ZNF280B: variants seen among roughly 807,000 people sequenced by gnomAD.
ZNF280B encodes zinc finger protein 280B, also known as suppressor of hairy wing homolog 2.
A neutral mutation model predicts 38.0 loss-of-function variants in ZNF280B; 16 were observed. The ratio of observed to expected loss-of-function variants is 0.42; its 90% CI spans 0.28 to 0.64. The LOEUF (loss-of-function observed/expected upper bound fraction) is 0.64, where lower values mean the gene tolerates loss of function less well. ZNF280B is among the 30% of genes least tolerant of loss of function. The pLI is 0.21. For synonymous variants in ZNF280B, 253 were observed against 230.6 expected, an observed-to-expected ratio of 1.10 and a Z score of -0.88; for missense variants, 581 against 639.6, an observed-to-expected ratio of 0.91 and a Z score of 0.99.
rs750250297 is a variant in ZNF280B at position 22,489,194 on chromosome 22, A to G, written c.205T>C (p.Trp69Arg). 1.9e-6 allele frequency: 3 copies of G among 1,613,766 alleles called. No individual in the cohort carries two copies. The highest frequency in any genetic ancestry group is 1.7e-5 in the Admixed American group (1 of 59,966). Reference protein sequence around the residue: ...NILNRVTPGSWSRRKKYDHLR... With the variant: ...NILNRVTPGSRSRRKKYDHLR... ...TGATCATACTTTTTTCTCCTTGACC[A>G]TGAACCCGGGGTGACTCTGTTCAAA... Residue 69 changes from tryptophan to arginine, a missense_variant, in exon 4 of 4, where the codon TGG (tryptophan) becomes CGG (arginine). Trp to Arg is a moderately radical substitution (Grantham distance 101). Transcript: ENST00000626650.
intron 2 of ZNF280B, among the ~76,000 whole-genome samples, chr22:22,500,512 T>C (rs1176596177): frequency 6.6e-6 from 1 of 151,884 alleles, no homozygotes; most frequent in Non-Finnish European, 1.5e-5. Context: ...ACTTTTGTAT[T>C]TGTATAATTC....
chr22:22,501,757 C>T (rs555580360), intron 2 of ZNF280B, among the ~76,000 whole-genome samples: 1 of 151,590 alleles, frequency 6.6e-6, no homozygotes, highest in South Asian at 2.1e-4. Context: ...TACCTGTAAT[C>T]CCAGTATTTT....
intron 3 of ZNF280B, among the ~76,000 whole-genome samples, chr22:22,493,760 A>G (rs2061643007): frequency 6.6e-6 from 1 of 151,908 alleles, no homozygotes; most frequent in Admixed American, 6.6e-5. Context: ...TGTCCTTCAA[A>G]TTATATAACA....
At chr22:22,498,847 G>C (rs1217189663) in intron 2 of ZNF280B, among the ~76,000 whole-genome samples, 3 of 127,042 alleles carry the variant, frequency 2.4e-5, no homozygotes, top group Non-Finnish European at 4.6e-5. Flanking sequence ...GCCCAGGCTG[G>C]AGTGCAGTGG....
In ZNF280B at chr22:22,484,643, CAG is replaced by C. The variant is rs2061482811; in HGVS notation, c.*3122_*3123del. 6.6e-6 allele frequency: 1 copy of C among 152,178 alleles called. No homozygotes were observed. The highest frequency in any genetic ancestry group is 6.6e-5 in the Admixed American group (1 of 15,230). The allele number at this position is 152,178 out of a possible 1,614,324, so 9.4% of individuals were successfully genotyped here. On this transcript the variant is annotated 3_prime_UTR_variant, in exon 4 of 4. Coordinates refer to ENST00000626650, the MANE Select transcript of ZNF280B (RefSeq NM_080764.4). The stretch of plus-strand genomic sequence containing the variant: ...ATATATAGAGGTATCAATAGAAAAA[CAG>C]AGAAAGCTCCTGAAAGAACTCACTA...
In ZNF280B at chr22:22,488,959, G is replaced by A. The variant is rs181767689; in HGVS notation, c.440C>T (p.Thr147Ile). 1.7e-5 allele frequency: 28 copies of A among 1,613,826 alleles called. No homozygotes were observed. In the Admixed American group the frequency reaches 4.3e-4, roughly 25 times the overall value. ...TGGATGATGCAATGAATCTGTGAAT[G>A]TAATCAAAGGAGAAGGTAATTCTGA... is the stretch of plus-strand genomic sequence containing the variant. ...NSSELPSPLI[T>I]FTDSLHHPVS... is the part of the protein sequence containing the mutation. Residue 147 changes from threonine to isoleucine, a missense_variant, in exon 4 of 4, where the codon ACA (threonine) becomes ATA (isoleucine). Physicochemically the swap from Thr to Ile is moderately conservative, Grantham distance 89. Transcript: ENST00000626650.
At position 22,488,794 on chromosome 22, in the gene ZNF280B, G is replaced by C; in HGVS notation, c.605C>G (p.Ser202Ter). 1.2e-6 allele frequency: 2 copies of C among 1,613,872 alleles called. No individual in the cohort carries two copies. Among genetic ancestry groups the C allele is most frequent in the Non-Finnish European group, 1.7e-6 (2 of 1,179,936 alleles). Residue 202 changes from serine to a stop codon, truncating the protein, a stop_gained, in exon 4 of 4, where the codon TCA becomes TGA. Coordinates refer to ENST00000626650, the MANE Select transcript of ZNF280B (RefSeq NM_080764.4). LOFTEE classifies it high-confidence loss of function. ...TGTATGAAAGGTATCTGAAGGGAAT[G>C]AAGCTGAAGAATTTCCTTCTATAAT... Reference protein sequence around the residue: ...DGIIEGNSSASFPSDTFHTMN... With the variant: ...DGIIEGNSSA
In ZNF280B at chr22:22,496,940, C is replaced by T. The variant is rs551202883; in HGVS notation, c.-186-2760G>A. Among the ~76,000 whole-genome samples, 21 of 150,930 alleles carry T rather than the reference C, an allele frequency of 1.4e-4. No homozygotes were observed. In the East Asian group the frequency reaches 4.0e-3, roughly 29 times the overall value. ...TCAAGCAATTCTCCTGTCTTGGCCT[C>T]CCAAGTAGCTGGGACTACAGGCACA... On this transcript the variant is annotated intron_variant, in intron 2 of 3. Transcript: ENST00000626650.
rs148752905 is a variant in ZNF280B, at chr22:22,498,986, A to G, written c.-186-4806T>C. ...CTAATTTTTTTGTATTTTTTAGTGG[A>G]GACGGGGTTTCACTGTTTTAGCCAG... On this transcript the variant is annotated intron_variant, in intron 2 of 3. Transcript: ENST00000626650. 9.1e-3 allele frequency among the ~76,000 whole-genome samples: 1,378 copies of G among 150,970 alleles called. 27 individuals carry two copies. Among genetic ancestry groups the G allele is most frequent in the African/African-American group, 0.031 (1,272 of 41,154 alleles).
At position 22,487,841 on chromosome 22, in the gene ZNF280B, T is replaced by G. The variant is rs1258140677; in HGVS notation, c.1558A>C (p.Ile520Leu). Residue 520 changes from isoleucine (I) to leucine (L), a missense_variant, in exon 4 of 4, where the codon ATA (isoleucine) becomes CTA (leucine). Ile to Leu is a conservative substitution (Grantham distance 5). Transcript: ENST00000626650. ...TCAGAGTCAGATGTGCTCACAGTTA[T>G]GGATGCTACATCCACTGATCCTGGC... ...LQPGSVDVAS[I>L]TVSTSDSEPS... 6.2e-7 allele frequency: 1 copy of G among 1,613,786 alleles called. No individual in the cohort carries two copies. Among genetic ancestry groups the G allele is most frequent in the African/African-American group, 1.3e-5 (1 of 75,014 alleles).
Position 22,488,404 on chromosome 22 carries a change from T to C in ZNF280B, c.995A>G (p.Glu332Gly), listed in dbSNP as rs749451603. The C allele has an allele frequency of 1.2e-6, 2 of 1,613,926 alleles. No homozygotes were observed. Among genetic ancestry groups the C allele is most frequent in the Admixed American group, 3.3e-5 (2 of 59,984 alleles). Residue 332 changes from glutamate to glycine, a missense_variant, in exon 4 of 4, where the codon GAG becomes GGG. Coordinates refer to ENST00000626650, the MANE Select transcript of ZNF280B (RefSeq NM_080764.4). Reference protein sequence around the residue: ...MNHVKHHLEFEKQRNDSWENH... With the variant: ...MNHVKHHLEFGKQRNDSWENH... Reference sequence around the variant, plus strand: ...TTCCCAGCTGTCGTTCCTCTGCTTCTCAAATTCCAAATGATGCTTCACGTG... The same window carrying C: ...TTCCCAGCTGTCGTTCCTCTGCTTCCCAAATTCCAAATGATGCTTCACGTG...
chr22:22,501,984 G>A (rs1482941958), intron 2 of ZNF280B, among the ~76,000 whole-genome samples: 1 of 151,426 alleles, frequency 6.6e-6, no homozygotes, highest in African/African-American at 2.4e-5. Context: ...GCACACGCCT[G>A]TAGTCCCAGC....
intron 1 of ZNF280B, among the ~76,000 whole-genome samples, 191 bp downstream of exon 1, chr22:22,508,468 G>C (rs944435237): frequency 6.6e-6 from 1 of 151,750 alleles, no homozygotes; most frequent in Non-Finnish European, 1.5e-5. Flanking sequence ...AGGGAAGGGG[G>C]TGTGCGTGAG....
chr22:22,493,231 TCTC>T (rs913069566), intron 3 of ZNF280B, among the ~76,000 whole-genome samples: 8 of 151,942 alleles, frequency 5.3e-5, no homozygotes, highest in African/African-American at 1.9e-4. Flanking sequence ...ATGGTCTTCA[TCTC>T]CTGACCTCAT....
intron 2 of ZNF280B, among the ~76,000 whole-genome samples, chr22:22,495,922 C>T (rs1201792214): frequency 6.6e-6 from 1 of 151,344 alleles, no homozygotes; most frequent in Non-Finnish European, 1.5e-5. Context: ...TCTCTTGCCT[C>T]AGCCTACCAA....
intron 2 of ZNF280B, among the ~76,000 whole-genome samples, chr22:22,500,333 A>G (rs1569182907): frequency 1.3e-5 from 2 of 151,686 alleles, no homozygotes; most frequent in Non-Finnish European, 2.9e-5. Flanking sequence ...GAAGCAACCC[A>G]AATGTCTACC....
intron 2 of ZNF280B, among the ~76,000 whole-genome samples, chr22:22,496,593 G>A (rs928227553): frequency 6.6e-6 from 1 of 151,750 alleles, no homozygotes; most frequent in Non-Finnish European, 1.5e-5. Flanking sequence ...CTGTTTAATG[G>A]GCATTCAATT....
rs1014928784 is a variant in ZNF280B at position 22,486,500 on chromosome 22, T to C, written c.*1267A>G. On this transcript the variant is annotated 3_prime_UTR_variant, in exon 4 of 4. Coordinates refer to ENST00000626650, the MANE Select transcript of ZNF280B (RefSeq NM_080764.4). ...CCCCTTGGGAAACTTGCTTTACAGC[T>C]GTGGCTGAGAATATGGCCAGTTCAT... 6.6e-6 allele frequency: 1 copy of C among 152,468 alleles called. No individual in the cohort carries two copies. The highest frequency in any genetic ancestry group is 2.4e-5 in the African/African-American group (1 of 41,396). The allele number at this position is 152,468 out of a possible 1,614,324, so 9.4% of individuals were successfully genotyped here.
chr22:22,491,380 A>G (rs1172695795), intron 3 of ZNF280B, among the ~76,000 whole-genome samples: 1 of 151,370 alleles, frequency 6.6e-6, no homozygotes, highest in African/African-American at 2.4e-5. Context: ...ACACAAGCAC[A>G]TACACATAAA....
Sources: allele counts gnomAD v4.1 joint callset (sites outside exome capture counted in the v4.1 genomes callset), GRCh38; gene constraint gnomAD v4.1.1; transcripts MANE v1.5; gene names NCBI Gene and HGNC (gene_info 2026-07-23, HGNC 2026-07-21).